NEDD4L: variants seen among roughly 807,000 people sequenced by gnomAD.
NEDD4L encodes E3 ubiquitin-protein ligase NEDD4-like.
NEDD4L carries 54 observed loss-of-function variants against 148.9 expected under a neutral mutation model. That is an observed-to-expected ratio of 0.36 (90% CI 0.29 to 0.45). NEDD4L has a LOEUF of 0.45. Among genes scored for constraint, NEDD4L ranks in the 20% least tolerant of loss-of-function variants. The pLI is 1.00. For missense variants in NEDD4L, 856 were observed against 1,233.8 expected, an observed-to-expected ratio of 0.69 and a Z score of 4.59; for synonymous variants, 433 against 440.7, an observed-to-expected ratio of 0.98 and a Z score of 0.22.
intron 1 of NEDD4L, among the ~76,000 whole-genome samples, chr18:58,095,785 G>A (rs746957115): frequency 3.9e-5 from 6 of 152,134 alleles, no homozygotes; most frequent in Non-Finnish European, 7.4e-5. Context: ...TTAAATTTCT[G>A]CCAGAAAGCT....
chr18:58,237,972 A>G (rs2046221437), intron 2 of NEDD4L, among the ~76,000 whole-genome samples: 1 of 152,216 alleles, frequency 6.6e-6, no homozygotes, highest in Non-Finnish European at 1.5e-5. Context: ...AGTTGCTCCA[A>G]ACAACAAAAC....
chr18:58,118,882 T>C (rs540680888), intron 1 of NEDD4L, among the ~76,000 whole-genome samples: 28 of 152,234 alleles, frequency 1.8e-4, no homozygotes, highest in Admixed American at 5.2e-4. Context: ...TTCCAGATCC[T>C]CTTCAGCCCC....
Position 58,256,914 on chromosome 18 carries a change from T to A in NEDD4L, c.297+4860T>A. On this transcript the variant is annotated intron_variant, in intron 5 of 30. Transcript: ENST00000400345. The surrounding 1 kb of genome is among the most constrained non-coding windows in gnomAD (Gnocchi z 5.2). ...AGTGGATCTGAATGTTTGGCCGAGT[T>A]CTGGCACGATGATTTGTGGTCCAGT... 1.3e-6 allele frequency: 1 copy of A among 742,120 alleles called. No individual in the cohort carries two copies. Among genetic ancestry groups the A allele is most frequent in the East Asian group, 3.4e-5 (1 of 29,498 alleles). The allele number at this position is 742,120 out of a possible 1,614,324, so 46.0% of individuals were successfully genotyped here.
At chr18:58,315,444 C>T (rs4940662) in intron 5 of NEDD4L, among the ~76,000 whole-genome samples, 145,331 of 151,888 alleles carry the variant, frequency 0.96, 69,569 homozygotes, top group East Asian at 1. Flanking sequence ...TATACGTGGA[C>T]TCTGAAGCAG....
intron 1 of NEDD4L, among the ~76,000 whole-genome samples, chr18:58,146,158 G>C (rs914695960): frequency 5.9e-5 from 9 of 152,212 alleles, no homozygotes; most frequent in African/African-American, 2.2e-4. Context: ...GGTTCTGGTA[G>C]ATGTTCAGCT....
intron 1 of NEDD4L, among the ~76,000 whole-genome samples, chr18:58,089,746 A>G (rs1248843463): frequency 1.3e-5 from 2 of 152,030 alleles, no homozygotes; most frequent in African/African-American, 2.4e-5. Flanking sequence ...TCAAGGCGTC[A>G]TGAGGGTTGG....
At chr18:58,347,463 G>A (rs535456383) in intron 16 of NEDD4L, among the ~76,000 whole-genome samples, 45 of 152,232 alleles carry the variant, frequency 3.0e-4, no homozygotes, top group African/African-American at 1.1e-3. Context: ...TGAGTGGGTA[G>A]CTTTTGAGAA....
chr18:58,095,936 A>C (rs570533760), intron 1 of NEDD4L, among the ~76,000 whole-genome samples: 2 of 148,032 alleles, frequency 1.4e-5, no homozygotes, highest in South Asian at 2.1e-4. Context: ...TTTTTTTTTT[A>C]AACTCATCAG....
chr18:58,387,419 G>GTTTTTT lies in NEDD4L; in HGVS notation c.2488-13_2488-8dup. On this transcript the variant is annotated intron_variant, in intron 26 of 30. Transcript: ENST00000400345. ...TTTGAAGGCAATAGGTGTTTAAGAT[G>GTTTTTT]TTTTTTTTTTTTCTTTCAGGGATTC... 1 of 1,125,750 alleles carries GTTTTTT rather than the reference G, an allele frequency of 8.9e-7. No individual in the cohort carries two copies. The highest frequency in any genetic ancestry group is 1.2e-6 in the Non-Finnish European group (1 of 834,510). The allele number at this position is 1,125,750 out of a possible 1,614,324, so 69.7% of individuals were successfully genotyped here.
At chr18:58,236,675 C>T (rs536531849) in intron 2 of NEDD4L, among the ~76,000 whole-genome samples, 8 of 152,318 alleles carry the variant, frequency 5.3e-5, no homozygotes, top group African/African-American at 1.7e-4. Flanking sequence ...GCTTAATGAT[C>T]CTGGAAGTTA....
intron 1 of NEDD4L, among the ~76,000 whole-genome samples, chr18:58,114,546 A>G (rs1044386241): frequency 6.6e-6 from 1 of 152,228 alleles, no homozygotes; most frequent in Non-Finnish European, 1.5e-5. Flanking sequence ...GGCAGAAGTC[A>G]TGCTGGAACG....
rs565111292 is a variant in NEDD4L, at chr18:58,123,610, C to T, written c.49-42178C>T. Among the ~76,000 whole-genome samples the T allele has an allele frequency of 5.3e-5, 8 of 152,308 alleles. No homozygotes were observed. The East Asian group carries it at 5.8e-4, about 11-fold the overall frequency. On this transcript the variant is annotated intron_variant, in intron 1 of 30. Transcript: ENST00000400345. ...CAACTGGACTTGCATCTCTTCAGAT[C>T]GGCTGTCATCACTCATTGTATCAGG... is the stretch of plus-strand genomic sequence containing the variant.
intron 5 of NEDD4L, among the ~76,000 whole-genome samples, chr18:58,269,902 T>A (rs919548564): frequency 1.3e-5 from 2 of 149,642 alleles, no homozygotes; most frequent in African/African-American, 4.9e-5. Flanking sequence ...CAAGCAAGGT[T>A]GTAAAATACC....
At chr18:58,056,773 G>T (rs1184986073) in intron 1 of NEDD4L, among the ~76,000 whole-genome samples, 1 of 151,794 alleles carries the variant, frequency 6.6e-6, no homozygotes, top group African/African-American at 2.4e-5. Context: ...TGGAGATGGG[G>T]TTTCACCATG....
chr18:58,352,622 G>C (rs1394181462), intron 18 of NEDD4L, among the ~76,000 whole-genome samples: 1 of 152,088 alleles, frequency 6.6e-6, no homozygotes, highest in Non-Finnish European at 1.5e-5. Context: ...TCATACCACT[G>C]CACTCCAGCC....
intron 16 of NEDD4L, among the ~76,000 whole-genome samples, chr18:58,346,272 G>A (rs1008744413): frequency 1.7e-4 from 26 of 152,166 alleles, no homozygotes; most frequent in Admixed American, 1.4e-3. Context: ...CTGAAACCTT[G>A]TAAGCACTGA....
At chr18:58,155,715 G>T (rs1032359683) in intron 1 of NEDD4L, among the ~76,000 whole-genome samples, 1 of 152,224 alleles carries the variant, frequency 6.6e-6, no homozygotes, top group African/African-American at 2.4e-5. Context: ...GTGCCTGGTA[G>T]ATAAATTAGG....
rs891941302 is a variant in NEDD4L at position 58,366,453 on chromosome 18, T to C, written c.2063+225T>C. The C allele has an allele frequency of 2.6e-6, 1 of 390,892 alleles. No individual in the cohort carries two copies. The highest frequency in any genetic ancestry group is 4.5e-6 in the Non-Finnish European group (1 of 220,506). The allele number at this position is 390,892 out of a possible 1,614,324, so 24.2% of individuals were successfully genotyped here. On this transcript the variant is annotated intron_variant, in intron 21 of 30. Coordinates refer to ENST00000400345, the MANE Select transcript of NEDD4L (RefSeq NM_001144967.3). The surrounding 1 kb of genome is among the most constrained non-coding windows in gnomAD (Gnocchi z 4.2). The stretch of plus-strand genomic sequence containing the variant: ...AACATTGATTTTTTTTCTTGTCTAT[T>C]GGGTTCATGGAGTTGAAATTGAAAA...
chr18:58,286,865 T>C (rs2053979138), intron 5 of NEDD4L, among the ~76,000 whole-genome samples: 1 of 152,212 alleles, frequency 6.6e-6, no homozygotes, highest in Admixed American at 6.5e-5. Flanking sequence ...TAAACTGCAT[T>C]TGGAAATTTT....
Sources: allele counts gnomAD v4.1 joint callset (sites outside exome capture counted in the v4.1 genomes callset), GRCh38; gene constraint gnomAD v4.1.1; non-coding constraint Gnocchi (gnomAD v3.1); transcripts MANE v1.5; gene names NCBI Gene and HGNC (gene_info 2026-07-23, HGNC 2026-07-21).